The following CCDC91 variants were observed in gnomAD, a reference collection of about 807,000 sequenced individuals.
CCDC91 encodes the protein coiled-coil domain-containing protein 91.
CCDC91 carries 48 observed loss-of-function variants against 63.2 expected under a neutral mutation model. The observed-to-expected ratio is 0.76, with a 90% CI of 0.60 to 0.97. The LOEUF (loss-of-function observed/expected upper bound fraction) is 0.97, where lower values mean the gene tolerates loss of function less well. Among genes scored for constraint, CCDC91 ranks in the 50% least tolerant of loss-of-function variants. The pLI is 0.00. For synonymous variants in CCDC91, 167 were observed against 165.8 expected (o/e 1.01, Z -0.06); for missense variants, 500 against 494.6 (o/e 1.01, Z -0.10).
rs763387977 is a variant in CCDC91 at position 28,391,367 on chromosome 12, A to G, written c.718A>G (p.Ile240Val). Reference protein sequence around the residue: ...EAIEKQYISAIEKQAHKCEEL... With the variant: ...EAIEKQYISAVEKQAHKCEEL... ...TATTGAAAAACAGTACATTTCTGCA[A>G]TTGAGAAACAGGCACACAAGTGTGA... The change falls in exon 8 of 13, where the codon ATT (isoleucine) becomes GTT (valine). Residue 240 changes from isoleucine to valine, a missense_variant. Coordinates refer to ENST00000536442, the MANE Select transcript of CCDC91 (RefSeq NM_018318.5). 1 of 1,613,058 alleles carries G rather than the reference A, an allele frequency of 6.2e-7. No individual in the cohort carries two copies. The highest frequency in any genetic ancestry group is 1.7e-4 in the Middle Eastern group (1 of 6,058).
At chr12:28,320,939 T>C (rs991357488) in intron 6 of CCDC91, among the ~76,000 whole-genome samples, 4 of 151,924 alleles carry the variant, frequency 2.6e-5, no homozygotes, top group African/African-American at 9.7e-5. Context: ...TCTCCTTTTC[T>C]CATTGAATGT....
At chr12:28,230,428 G>A (rs1050208267) in intron 1 of CCDC91, among the ~76,000 whole-genome samples, 4 of 152,220 alleles carry the variant, frequency 2.6e-5, no homozygotes, top group African/African-American at 9.6e-5. Context: ...ACTAGTAGGA[G>A]CAAAACTGAG....
intron 6 of CCDC91, among the ~76,000 whole-genome samples, chr12:28,309,231 C>T (rs1481734757): frequency 1.3e-5 from 2 of 151,988 alleles, no homozygotes; most frequent in Non-Finnish European, 2.9e-5. Context: ...TTAATGTGCC[C>T]ACCTCAGGAG....
At chr12:28,341,687 T>C (rs1942435420) in intron 6 of CCDC91, among the ~76,000 whole-genome samples, 1 of 151,770 alleles carries the variant, frequency 6.6e-6, no homozygotes, top group Admixed American at 6.6e-5. Context: ...AGATGTTTCC[T>C]GCTATTATTT....
chr12:28,549,984 T>G lies in CCDC91; in HGVS notation c.*811T>G, dbSNP rs1284773347. The stretch of plus-strand genomic sequence containing the variant: ...GAAATCTTTTCCCAGTATTTCAGAA[T>G]GTACTTAATTCACAGGCAGGATGCT... On this transcript the variant is annotated 3_prime_UTR_variant, in exon 13 of 13. Coordinates refer to ENST00000536442, the MANE Select transcript of CCDC91 (RefSeq NM_018318.5). The G allele has an allele frequency of 6.6e-6, 1 of 152,582 alleles. No individual in the cohort carries two copies. Among genetic ancestry groups the G allele is most frequent in the Non-Finnish European group, 1.5e-5 (1 of 67,996 alleles). 9.5% of individuals were successfully genotyped at this position (152,582 alleles called of 1,614,324 possible). A position where few individuals can be genotyped will look rare whatever the true frequency, so the allele number is the denominator to read the frequency against.
chr12:28,266,277 T>A (rs1947179671), intron 3 of CCDC91, among the ~76,000 whole-genome samples: 1 of 151,992 alleles, frequency 6.6e-6, no homozygotes, highest in African/African-American at 2.4e-5. Flanking sequence ...CAAATATCCG[T>A]GTTGTGGAGT....
At chr12:28,406,810 A>ATTTTTTTTTTTTTTT (rs375722489) in intron 8 of CCDC91, among the ~76,000 whole-genome samples, 1 of 148,078 alleles carries the variant, frequency 6.8e-6, no homozygotes. Flanking sequence ...GATTTTAACT[A>ATTTTTTTTTTTTTTT]TTTTTTTTTG....
intron 1 of CCDC91, among the ~76,000 whole-genome samples, chr12:28,201,175 G>A (rs9673187): frequency 6.7e-6 from 1 of 150,324 alleles, no homozygotes; most frequent in African/African-American, 2.5e-5. Context: ...GGGCGGAGAC[G>A]CTCCTCACTT....
intron 6 of CCDC91, among the ~76,000 whole-genome samples, chr12:28,337,002 C>T (rs1028541266): frequency 6.6e-6 from 1 of 152,020 alleles, no homozygotes. Flanking sequence ...GTCAATAGCT[C>T]TGTGTTTCAT....
intron 1 of CCDC91, among the ~76,000 whole-genome samples, chr12:28,196,522 T>C (rs1280051125): frequency 6.6e-6 from 1 of 152,218 alleles, no homozygotes; most frequent in African/African-American, 2.4e-5. Flanking sequence ...TATCCTTGCA[T>C]TGCTCTTCAT....
chr12:28,301,194 C>T (rs1457211123), intron 3 of CCDC91, among the ~76,000 whole-genome samples: 1 of 151,484 alleles, frequency 6.6e-6, no homozygotes, highest in Admixed American at 6.6e-5. Flanking sequence ...AGTTAAGTTG[C>T]TGCCTTTAGG....
chr12:28,211,985 C>T (rs1050819446), intron 1 of CCDC91, among the ~76,000 whole-genome samples: 2 of 152,138 alleles, frequency 1.3e-5, no homozygotes, highest in African/African-American at 4.8e-5. Context: ...CAGTTTCTGT[C>T]ATGACTTCCA....
intron 3 of CCDC91, among the ~76,000 whole-genome samples, chr12:28,296,858 A>G (rs1284406121): frequency 1.3e-5 from 2 of 151,886 alleles, no homozygotes; most frequent in Non-Finnish European, 2.9e-5. Context: ...CATAACAGTG[A>G]TTTCCCTACA....
At chr12:28,370,630 C>T (rs764726312) in intron 7 of CCDC91, among the ~76,000 whole-genome samples, 5 of 152,170 alleles carry the variant, frequency 3.3e-5, no homozygotes, top group Non-Finnish European at 5.9e-5. Flanking sequence ...TATAGCAGCT[C>T]CCCACTCCCA....
intron 3 of CCDC91, among the ~76,000 whole-genome samples, chr12:28,267,058 G>A (rs1412590020): frequency 2.6e-5 from 4 of 151,468 alleles, no homozygotes; most frequent in Non-Finnish European, 5.9e-5. Context: ...AGAGACACAC[G>A]TATGTACATA....
chr12:28,476,183 C>T (rs1421727043), intron 11 of CCDC91, among the ~76,000 whole-genome samples: 1 of 152,040 alleles, frequency 6.6e-6, no homozygotes, highest in East Asian at 1.9e-4. Context: ...CTTCTCAGCA[C>T]CACACTGCAC....
chr12:28,491,524 C>T (rs1183550764), intron 12 of CCDC91, among the ~76,000 whole-genome samples: 1 of 151,730 alleles, frequency 6.6e-6, no homozygotes, highest in Non-Finnish European at 1.5e-5. Context: ...CAATTGACAA[C>T]AGAATTCCAG....
intron 3 of CCDC91, among the ~76,000 whole-genome samples, chr12:28,289,554 G>A (rs11049507): frequency 0.2 from 30,507 of 151,904 alleles, 4,015 homozygotes; most frequent in Non-Finnish European, 0.3. Context: ...TGTTTGTTAC[G>A]ATTTCAGTTC....
chr12:28,466,080 A>G (rs1950536765), intron 11 of CCDC91, among the ~76,000 whole-genome samples: 1 of 152,204 alleles, frequency 6.6e-6, no homozygotes, highest in Admixed American at 6.5e-5. Context: ...GAAAAAAAGA[A>G]TTACTGCACT....
Sources: gnomAD v4.1 joint callset for allele counts (sites outside exome capture counted in the v4.1 genomes callset) on GRCh38, gnomAD v4.1.1 for gene constraint, MANE v1.5 for transcripts, NCBI Gene and HGNC (gene_info 2026-07-23, HGNC 2026-07-21) for gene names.